HPCAL1: variants seen among roughly 807,000 people sequenced by gnomAD.
The protein encoded by HPCAL1 is hippocalcin-like protein 1.
Under a neutral mutation model 17.1 loss-of-function variants are expected in HPCAL1, and 8 were observed. The observed-to-expected ratio is 0.47, with a 90% confidence interval of 0.27 to 0.84. HPCAL1 has a LOEUF of 0.84. Among genes scored for constraint, HPCAL1 ranks in the 40% least tolerant of loss-of-function variants. HPCAL1 has a pLI of 0.13. For synonymous variants in HPCAL1, 112 were observed against 111.4 expected (o/e 1.01, Z -0.03); for missense variants, 165 against 271.1 (o/e 0.61, Z 2.75).
chr2:10,356,647 C>T (rs1390295766), intron 1 of HPCAL1, among the ~76,000 whole-genome samples: 2 of 152,204 alleles, frequency 1.3e-5, no homozygotes, highest in South Asian at 2.1e-4. Flanking sequence ...GTGCCCCACA[C>T]ACCACACCAC....
intron 2 of HPCAL1, among the ~76,000 whole-genome samples, chr2:10,413,420 C>G (rs892517465): frequency 6.6e-6 from 1 of 152,268 alleles, no homozygotes; most frequent in Non-Finnish European, 1.5e-5. Flanking sequence ...ACTGCAACCA[C>G]AGCAAGAGTG....
chr2:10,307,309 C>T (rs1028286415), intron 1 of HPCAL1, among the ~76,000 whole-genome samples: 8 of 152,346 alleles, frequency 5.3e-5, no homozygotes, highest in African/African-American at 1.7e-4. Flanking sequence ...CTTGCCCTAG[C>T]TTAAATCTTT....
intron 2 of HPCAL1, among the ~76,000 whole-genome samples, chr2:10,415,612 TTC>T (rs1484249026): frequency 6.6e-6 from 1 of 151,750 alleles, no homozygotes; most frequent in East Asian, 2.0e-4. Context: ...ACACAGGAAG[TTC>T]TGGAAAAGCT....
At chr2:10,399,141 C>G (rs1481480748) in intron 2 of HPCAL1, among the ~76,000 whole-genome samples, 4 of 150,894 alleles carry the variant, frequency 2.7e-5, no homozygotes, top group Admixed American at 6.6e-5. Context: ...GGAGGTGGTC[C>G]GAGGTGTCCA....
At chr2:10,366,017 G>A (rs568308321) in intron 1 of HPCAL1, among the ~76,000 whole-genome samples, 29 of 152,246 alleles carry the variant, frequency 1.9e-4, no homozygotes, top group East Asian at 7.7e-4. Flanking sequence ...GTTCGTCCAC[G>A]TTTGCCCAGC....
At position 10,367,302 on chromosome 2, in the gene HPCAL1, G is replaced by T. The variant is rs1666909622; in HGVS notation, c.-110-29533G>T. Among the ~76,000 whole-genome samples the T allele has an allele frequency of 6.6e-6, 1 of 151,782 alleles. No individual in the cohort carries two copies. Among genetic ancestry groups the T allele is most frequent in the African/African-American group, 2.4e-5 (1 of 41,286 alleles). On this transcript the variant is annotated intron_variant, in intron 1 of 4. Transcript: ENST00000307845. The surrounding 1 kb of genome is among the most constrained non-coding windows in gnomAD (Gnocchi z 4.4). ...TTTTGTTGCTGTCGTTGTTGTTGTT[G>T]TTTTGAGACAGAGTCTTGCTCTGTC...
In HPCAL1 at chr2:10,304,718, GTCGGGTGGCTC is replaced by G. The variant is rs1426227969; in HGVS notation, c.-111+1546_-111+1556del. ...GGACGCAGCAAGGCCAGCTCTAGGGGTCGGGTGGCTCTCGGCCAGAGCGAAGGATATTCTTT... is the reference window on the plus strand; with the variant it reads ...GGACGCAGCAAGGCCAGCTCTAGGGGTCGGCCAGAGCGAAGGATATTCTTT... On this transcript the variant is annotated intron_variant, in intron 1 of 4. Coordinates refer to ENST00000307845, the MANE Select transcript of HPCAL1 (RefSeq NM_002149.4). This position sits in a 1 kb window ranked among gnomAD's most constrained non-coding sequence, Gnocchi z 4.1. Among the ~76,000 whole-genome samples, 1 of 152,250 alleles carries G rather than the reference GTCGGGTGGCTC, an allele frequency of 6.6e-6. No homozygotes were observed. The highest frequency in any genetic ancestry group is 1.5e-5 in the Non-Finnish European group (1 of 68,038).
intron 1 of HPCAL1, among the ~76,000 whole-genome samples, chr2:10,382,322 G>T (rs902106122): frequency 6.6e-6 from 1 of 152,190 alleles, no homozygotes; most frequent in African/African-American, 2.4e-5. Flanking sequence ...GCATTTTTAA[G>T]GCAGTGAAAC....
Position 10,377,236 on chromosome 2 carries a change from G to A in HPCAL1, c.-110-19599G>A, listed in dbSNP as rs554133459. On this transcript the variant is annotated intron_variant, in intron 1 of 4. Coordinates refer to ENST00000307845, the MANE Select transcript of HPCAL1 (RefSeq NM_002149.4). The surrounding 1 kb of genome is among the most constrained non-coding windows in gnomAD (Gnocchi z 5.9). ...GTGAGGAGGCTGCCACGCAGGCCGCGCCGCCCCGAATGGCAGGTGGAAGGC... is the reference window on the plus strand; with the variant it reads ...GTGAGGAGGCTGCCACGCAGGCCGCACCGCCCCGAATGGCAGGTGGAAGGC... Among the ~76,000 whole-genome samples, 9 of 152,304 alleles carry A rather than the reference G, an allele frequency of 5.9e-5. No homozygotes were observed. The highest frequency in any genetic ancestry group is 2.2e-4 in the African/African-American group (9 of 41,566).
chr2:10,363,251 G>A lies in HPCAL1; in HGVS notation c.-110-33584G>A, dbSNP rs150157722. Among the ~76,000 whole-genome samples the A allele has an allele frequency of 1.3e-5, 2 of 152,268 alleles. No individual in the cohort carries two copies. Among genetic ancestry groups the A allele is most frequent in the Non-Finnish European group, 2.9e-5 (2 of 68,022 alleles). On this transcript the variant is annotated intron_variant, in intron 1 of 4. Transcript: ENST00000307845. The surrounding 1 kb of genome is among the most constrained non-coding windows in gnomAD (Gnocchi z 4.7). ...GCATTAGGGGCGGAGTGGTGGGAGA[G>A]TGATTCCCCTGCAGCCCTTCTGAGG... is the stretch of plus-strand genomic sequence containing the variant.
At chr2:10,348,487 GC>G (rs779447033) in intron 1 of HPCAL1, among the ~76,000 whole-genome samples, 5 of 151,920 alleles carry the variant, frequency 3.3e-5, no homozygotes, top group Non-Finnish European at 7.4e-5. Context: ...CTCTGGGCCA[GC>G]TGTGGTGGTT....
intron 1 of HPCAL1, among the ~76,000 whole-genome samples, chr2:10,334,975 C>T (rs1026282642): frequency 1.3e-5 from 2 of 152,206 alleles, no homozygotes; most frequent in African/African-American, 4.8e-5. Flanking sequence ...ACTGTGCCAG[C>T]CCCCATTGTC....
chr2:10,380,221 G>A (rs1667852842), intron 1 of HPCAL1, among the ~76,000 whole-genome samples: 1 of 152,224 alleles, frequency 6.6e-6, no homozygotes, highest in South Asian at 2.1e-4. Flanking sequence ...GCTTGGTCTG[G>A]AGACAGCAGC....
At chr2:10,322,639 T>A (rs567952760) in intron 1 of HPCAL1, among the ~76,000 whole-genome samples, 7 of 152,192 alleles carry the variant, frequency 4.6e-5, no homozygotes, top group Admixed American at 2.0e-4. Flanking sequence ...GACCCATGCA[T>A]CTTCTTCCTG....
rs535197427 is a variant in HPCAL1 at position 10,360,703 on chromosome 2, G to A, written c.-110-36132G>A. ...GCTGGCTTGAGCCACCATGCCGCCC[G>A]GCCTTACCTGAATCTTATCACACAT... On this transcript the variant is annotated intron_variant, in intron 1 of 4. Coordinates refer to ENST00000307845, the MANE Select transcript of HPCAL1 (RefSeq NM_002149.4). Among the ~76,000 whole-genome samples the A allele has an allele frequency of 2.2e-4, 34 of 152,182 alleles. No homozygotes were observed. The East Asian group carries it at 6.4e-3, about 29-fold the overall frequency.
At chr2:10,410,043 C>T (rs1670250437) in intron 2 of HPCAL1, among the ~76,000 whole-genome samples, 1 of 140,512 alleles carries the variant, frequency 7.1e-6, no homozygotes, top group African/African-American at 2.5e-5. Context: ...ACTGCCTTGG[C>T]CTCCTGAAGT....
chr2:10,326,408 G>C (rs763306978), intron 1 of HPCAL1, among the ~76,000 whole-genome samples: 1 of 152,246 alleles, frequency 6.6e-6, no homozygotes, highest in Non-Finnish European at 1.5e-5. Context: ...CAGGAGCCCT[G>C]TGGCTGGGCC....
intron 1 of HPCAL1, among the ~76,000 whole-genome samples, chr2:10,305,231 T>TA (rs145250273): frequency 0.037 from 5,597 of 150,310 alleles, 131 homozygotes; most frequent in East Asian, 0.11. Context: ...ATAATAATAT[T>TA]AAAAAAAAAA....
intron 1 of HPCAL1, among the ~76,000 whole-genome samples, chr2:10,372,975 C>T (rs1189625939): frequency 6.6e-6 from 1 of 152,246 alleles, no homozygotes; most frequent in Non-Finnish European, 1.5e-5. Context: ...ATCAGCCCTA[C>T]AAGGGACCCA....
Sources: gnomAD v4.1 joint callset for allele counts (sites outside exome capture counted in the v4.1 genomes callset) on GRCh38, gnomAD v4.1.1 for gene constraint, Gnocchi (gnomAD v3.1) non-coding constraint, MANE v1.5 for transcripts, NCBI Gene and HGNC (gene_info 2026-07-23, HGNC 2026-07-21) for gene names.